STARD9: variants seen among roughly 807,000 people sequenced by gnomAD.
The protein encoded by STARD9 is stAR-related lipid transfer protein 9.
In STARD9, 346 loss-of-function variants were observed where a neutral mutation model predicts 399.8. The observed-to-expected ratio is 0.87, with a 90% CI of 0.79 to 0.95. The LOEUF (loss-of-function observed/expected upper bound fraction) is 0.95, where lower values mean the gene tolerates loss of function less well. Among genes scored for constraint, STARD9 ranks in the 40% least tolerant of loss-of-function variants. The probability of loss-of-function intolerance (pLI) is 0.00; values close to 1 mark genes in which losing one functional copy is unlikely to be tolerated. For missense variants in STARD9, 5,832 were observed against 5,667.5 expected (o/e 1.03, Z -0.93); for synonymous variants, 2,203 against 2,143.5 (o/e 1.03, Z -0.77).
Position 42,686,930 on chromosome 15 carries a change from C to A in STARD9, c.5352C>A (p.His1784Gln). 1 of 1,536,780 alleles carries A rather than the reference C, an allele frequency of 6.5e-7. No individual in the cohort carries two copies. The highest frequency in any genetic ancestry group is 8.7e-7 in the Non-Finnish European group (1 of 1,146,858). The change falls in exon 23 of 33, where the codon CAC becomes CAA. Residue 1784 changes from histidine to glutamine, a missense_variant. His to Gln is a conservative substitution (Grantham distance 24, BLOSUM62 0). Transcript: ENST00000290607. ...PPPREAWGFG[H>Q]NHQALQGAYL... The stretch of plus-strand genomic sequence containing the variant: ...CCAGGGAAGCCTGGGGCTTTGGTCA[C>A]AACCACCAAGCTCTCCAAGGTGCTT...
intron 7 of STARD9, among the ~76,000 whole-genome samples, chr15:42,640,907 A>G (rs2059523257): frequency 6.6e-6 from 1 of 151,570 alleles, no homozygotes; most frequent in South Asian, 2.1e-4. Context: ...TATCCGCATT[A>G]TACAGAAAAC....
At chr15:42,662,745 A>G (rs747338376) in intron 10 of STARD9, 49 bp from the exon 11 acceptor site, 4 of 1,207,446 alleles carry the variant, frequency 3.3e-6, no homozygotes, top group Admixed American at 2.0e-5. Flanking sequence ...CATTGTAAAG[A>G]TAGTGTCTTA....
intron 15 of STARD9, 21 bp downstream of exon 15, chr15:42,665,869 CAGT>C (rs1328105310): frequency 1.5e-5 from 23 of 1,535,596 alleles, no homozygotes; most frequent in Non-Finnish European, 2.0e-5. Flanking sequence ...TGGGTGGACT[CAGT>C]TGTTCTTTAC....
At chr15:42,637,848 T>G (rs1389603897) in intron 4 of STARD9, 59 bp from the exon 5 acceptor site, 1 of 1,514,972 alleles carries the variant, frequency 6.6e-7, no homozygotes, top group Non-Finnish European at 8.9e-7. Flanking sequence ...CTGGGTATTC[T>G]GTGGGGGAGA....
chr15:42,717,823 G>T (rs759632743), intron 29 of STARD9, 28 bp downstream of exon 29: 1 of 1,534,924 alleles, frequency 6.5e-7, no homozygotes, highest in South Asian at 1.2e-5. Context: ...CCTTTGTACA[G>T]TGTCTGTCTT....
Position 42,684,250 on chromosome 15 carries a change from G to A in STARD9, c.2672G>A (p.Arg891His), listed in dbSNP as rs975465361. ...ASYPARTGCL[R>H]KNGLHSSGHG... ...TACCCTGCAAGGACAGGGTGCCTCC[G>A]CAAGAACGGCCTGCATTCCTCAGGT... is the stretch of plus-strand genomic sequence containing the variant. The change falls in exon 23 of 33, where the codon CGC (arginine) becomes CAC (histidine). Residue 891 changes from arginine (R) to histidine (H), a missense_variant. Physicochemically the swap from Arg to His is conservative, Grantham distance 29. This residue lies in a region of STARD9 where 5,828 missense variants were observed against 5,651.1 expected (regional missense o/e 1.03). Transcript: ENST00000290607. The A allele has an allele frequency of 7.8e-6, 12 of 1,537,254 alleles. No homozygotes were observed. The highest frequency in any genetic ancestry group is 1.2e-5 in the South Asian group (1 of 84,068).
intron 3 of STARD9, among the ~76,000 whole-genome samples, chr15:42,612,484 A>C (rs1341356400): frequency 6.6e-6 from 1 of 152,188 alleles, no homozygotes; most frequent in Non-Finnish European, 1.5e-5. Context: ...AACGGCAAGA[A>C]CTTAGAGTCT....
intron 3 of STARD9, among the ~76,000 whole-genome samples, chr15:42,614,765 G>C (rs907809969): frequency 4.6e-5 from 7 of 152,066 alleles, no homozygotes; most frequent in African/African-American, 7.2e-5. Context: ...AGGACTTCAA[G>C]ACCAGCCTGG....
intron 4 of STARD9, among the ~76,000 whole-genome samples, chr15:42,637,491 A>G (rs2059441577): frequency 6.6e-6 from 1 of 152,210 alleles, no homozygotes. Flanking sequence ...CTGGGATTAC[A>G]GGGGTGAGCC....
chr15:42,581,275 G>C (rs1390432712), intron 1 of STARD9: 20 of 961,918 alleles, frequency 2.1e-5, no homozygotes, highest in Middle Eastern at 2.1e-4. Context: ...CAGATGGCAG[G>C]TGGGGTCTGA....
intron 26 of STARD9, among the ~76,000 whole-genome samples, chr15:42,708,439 C>G (rs1178799467): frequency 6.6e-6 from 1 of 152,194 alleles, no homozygotes; most frequent in Non-Finnish European, 1.5e-5. Flanking sequence ...GTAGCTGCAG[C>G]TACTCAAATG....
chr15:42,636,880 A>G (rs1250748245), intron 4 of STARD9, among the ~76,000 whole-genome samples: 9 of 152,072 alleles, frequency 5.9e-5, no homozygotes, highest in African/African-American at 2.2e-4. Flanking sequence ...AGCCTGGCCA[A>G]CGTGGTGAAA....
chr15:42,611,963 T>C (rs1249095102), intron 3 of STARD9, among the ~76,000 whole-genome samples: 3 of 152,172 alleles, frequency 2.0e-5, no homozygotes, highest in Non-Finnish European at 4.4e-5. Context: ...CATACCCTTA[T>C]TAACATTATT....
intron 1 of STARD9, chr15:42,581,592 C>T: frequency 2.6e-6 from 2 of 772,434 alleles, no homozygotes; most frequent in Non-Finnish European, 4.3e-6. Flanking sequence ...TCTGCGCACT[C>T]CTCGCTCGCT....
chr15:42,673,859 A>G (rs2060253956), intron 16 of STARD9: 2 of 451,674 alleles, frequency 4.4e-6, no homozygotes, highest in South Asian at 1.6e-5. Flanking sequence ...CCTCTCTTAC[A>G]CTCTCTTCCA....
intron 26 of STARD9, among the ~76,000 whole-genome samples, chr15:42,708,220 G>A (rs759299718): frequency 6.6e-6 from 1 of 152,200 alleles, no homozygotes; most frequent in Non-Finnish European, 1.5e-5. Flanking sequence ...AATTGACAAG[G>A]CTTGGTGTTT....
rs1490669631 is a variant in STARD9 at position 42,677,495 on chromosome 15, T to G, written c.1874+1520T>G. ...CTTTGTCAGAGTGACTTTCCTTTTT[T>G]GTAGTGAAGTCATGAAAGTAGCTCC... On this transcript the variant is annotated intron_variant, in intron 20 of 32. Coordinates refer to ENST00000290607, the MANE Select transcript of STARD9 (RefSeq NM_020759.3). Among the ~76,000 whole-genome samples the G allele has an allele frequency of 2.0e-5, 3 of 152,234 alleles. 1 individual carries two copies.
chr15:42,604,437 G>T (rs950980475), intron 3 of STARD9, among the ~76,000 whole-genome samples: 3 of 152,016 alleles, frequency 2.0e-5, no homozygotes, highest in Admixed American at 6.6e-5. Flanking sequence ...AACCAACATT[G>T]TATTTGTCCT....
chr15:42,641,123 C>G (rs1056421998), intron 7 of STARD9, among the ~76,000 whole-genome samples: 1 of 152,072 alleles, frequency 6.6e-6, no homozygotes, highest in Admixed American at 6.5e-5. Context: ...CTTGGAAGGT[C>G]ATATAGCTTG....
Sources: allele counts gnomAD v4.1 joint callset (sites outside exome capture counted in the v4.1 genomes callset), GRCh38; gene constraint gnomAD v4.1.1; regional missense constraint gnomAD v4.1.1; transcripts MANE v1.5; gene names NCBI Gene and HGNC (gene_info 2026-07-23, HGNC 2026-07-21).